The following UBE3C variants were observed in gnomAD, a reference collection of about 807,000 sequenced individuals.
UBE3C encodes ubiquitin-protein ligase E3C.
Under a neutral mutation model 129.4 loss-of-function variants are expected in UBE3C, and 42 were observed. The ratio of observed to expected loss-of-function variants is 0.32; its 90% CI spans 0.25 to 0.42. The LOEUF (loss-of-function observed/expected upper bound fraction) is 0.42, where lower values mean the gene tolerates loss of function less well. Among genes scored for constraint, UBE3C ranks in the 10% least tolerant of loss-of-function variants. The probability of loss-of-function intolerance (pLI) is 1.00; values close to 1 mark genes in which losing one functional copy is unlikely to be tolerated. For missense variants in UBE3C, 1,049 were observed against 1,319.1 expected (o/e 0.80, Z 3.17); for synonymous variants, 510 against 492.4 (o/e 1.04, Z -0.47).
chr7:157,258,300 C>G (rs1796808593), intron 22 of UBE3C, among the ~76,000 whole-genome samples: 1 of 152,140 alleles, frequency 6.6e-6, no homozygotes, highest in Non-Finnish European at 1.5e-5. Flanking sequence ...CCTGCACACT[C>G]ATGTAGTCCC....
In UBE3C at chr7:157,180,256, A is replaced by G. The variant is rs1808632379; in HGVS notation, c.617-1262A>G. On this transcript the variant is annotated intron_variant, in intron 6 of 22. Coordinates refer to ENST00000348165, the MANE Select transcript of UBE3C (RefSeq NM_014671.3). The stretch of plus-strand genomic sequence containing the variant: ...GCCATGAAGCTTTTTAACATTTGCA[A>G]CAGAACCTTTGTCATGTTGTCAGTC... Among the ~76,000 whole-genome samples the G allele has an allele frequency of 3.3e-5, 5 of 152,356 alleles. No homozygotes were observed. The South Asian group carries it at 1.0e-3, about 32-fold the overall frequency.
At chr7:157,175,312 T>G (rs1297931287) in intron 5 of UBE3C, among the ~76,000 whole-genome samples, 1 of 152,154 alleles carries the variant, frequency 6.6e-6, no homozygotes, top group Non-Finnish European at 1.5e-5. Flanking sequence ...CCATCCTGGT[T>G]ACTGGAGAAT....
intron 5 of UBE3C, among the ~76,000 whole-genome samples, chr7:157,175,530 A>G (rs770720350): frequency 5.9e-5 from 9 of 152,352 alleles, no homozygotes; most frequent in Non-Finnish European, 1.2e-4. Context: ...TGTGAGTTAC[A>G]TTACCTGAAT....
intron 18 of UBE3C, among the ~76,000 whole-genome samples, chr7:157,242,336 TATC>T (rs1796353277): frequency 2.0e-5 from 3 of 152,318 alleles, no homozygotes; most frequent in Admixed American, 6.5e-5. Flanking sequence ...CGAAATCTGT[TATC>T]ATCGAAGGCA....
intron 17 of UBE3C, among the ~76,000 whole-genome samples, chr7:157,226,376 G>A (rs1795879361): frequency 1.3e-5 from 2 of 152,184 alleles, no homozygotes; most frequent in African/African-American, 4.8e-5. Flanking sequence ...GAAAGTTCGT[G>A]TGCTATTAAC....
intron 22 of UBE3C, among the ~76,000 whole-genome samples, chr7:157,264,010 G>C (rs1796995437): frequency 1.3e-5 from 2 of 152,028 alleles, no homozygotes. Flanking sequence ...GGCCTTGAGT[G>C]ATCTCCCACA....
chr7:157,188,897 A>G (rs2116945274), intron 10 of UBE3C: 1 of 608,256 alleles, frequency 1.6e-6, no homozygotes, highest in East Asian at 2.6e-5. Context: ...AGTCCCTTTT[A>G]TTTTCAGAGT....
chr7:157,159,799 G>A (rs1563032998), intron 1 of UBE3C, among the ~76,000 whole-genome samples: 3 of 152,050 alleles, frequency 2.0e-5, no homozygotes. Flanking sequence ...CTCCAGCCTG[G>A]GCCAGAGCGA....
At chr7:157,222,379 T>C (rs1795760519) in intron 15 of UBE3C, 1 of 152,174 alleles carries the variant, frequency 6.6e-6, no homozygotes, top group Non-Finnish European at 1.5e-5. Context: ...GCTTTTGATA[T>C]GATGTCTAAG....
At chr7:157,151,295 T>C (rs1807750805) in intron 1 of UBE3C, among the ~76,000 whole-genome samples, 1 of 152,234 alleles carries the variant, frequency 6.6e-6, no homozygotes, top group Admixed American at 6.5e-5. Flanking sequence ...TTTTCCTTCT[T>C]ACCTCTTACC....
At chr7:157,171,037 T>C (rs2107863) in intron 4 of UBE3C, among the ~76,000 whole-genome samples, 71,951 of 151,580 alleles carry the variant, frequency 0.47, 19,663 homozygotes, top group African/African-American at 0.76. Context: ...GTCGTGAACT[T>C]CTAGCCTCAA....
intron 17 of UBE3C, among the ~76,000 whole-genome samples, chr7:157,229,926 T>TTA (rs561026737): frequency 0.031 from 1,341 of 43,578 alleles, 26 homozygotes; most frequent in African/African-American, 0.04. Flanking sequence ...ATTTATTTAT[T>TTA]TTTTTTTTTT....
At chr7:157,247,312 T>G (rs1796504180) in intron 18 of UBE3C, among the ~76,000 whole-genome samples, 1 of 152,248 alleles carries the variant, frequency 6.6e-6, no homozygotes, top group Non-Finnish European at 1.5e-5. Context: ...ATAATTAATG[T>G]CTAACTGCAT....
At chr7:157,227,627 G>A (rs1795916221) in intron 17 of UBE3C, among the ~76,000 whole-genome samples, 2 of 152,032 alleles carry the variant, frequency 1.3e-5, no homozygotes, top group African/African-American at 4.8e-5. Flanking sequence ...ATGAACCCGG[G>A]AGGCGGAGGT....
chr7:157,250,863 G>A (rs1796604876), intron 19 of UBE3C, among the ~76,000 whole-genome samples: 1 of 152,118 alleles, frequency 6.6e-6, no homozygotes. Context: ...GTGGTGACCT[G>A]CCTGAGGCCT....
chr7:157,151,986 GA>G (rs1807768596), intron 1 of UBE3C, among the ~76,000 whole-genome samples: 1 of 152,144 alleles, frequency 6.6e-6, no homozygotes, highest in African/African-American at 2.4e-5. Context: ...CCTATTTCCA[GA>G]ACCCCAAGCA....
intron 18 of UBE3C, among the ~76,000 whole-genome samples, chr7:157,243,265 A>G (rs1044506825): frequency 9.9e-5 from 15 of 152,258 alleles, no homozygotes; most frequent in Admixed American, 7.8e-4. Context: ...CCTTGTCTTT[A>G]TGGAGTGCCA....
chr7:157,211,734 A>T lies in UBE3C; in HGVS notation c.1809+3799A>T, dbSNP rs539482859. On this transcript the variant is annotated intron_variant, in intron 13 of 22. Coordinates refer to ENST00000348165, the MANE Select transcript of UBE3C (RefSeq NM_014671.3). ...TGACTTTCATAGGTTAGAGTGTTTT[A>T]TTCTCAGTTATTTGAACACTCACAG... is the stretch of plus-strand genomic sequence containing the variant. Among the ~76,000 whole-genome samples the T allele has an allele frequency of 2.6e-5, 4 of 152,202 alleles. No homozygotes were observed. The South Asian group carries it at 6.2e-4, about 24-fold the overall frequency.
At chr7:157,198,277 G>C in intron 10 of UBE3C, 2 of 1,006,654 alleles carry the variant, frequency 2.0e-6, no homozygotes, top group South Asian at 2.5e-5. Flanking sequence ...GTGTCCGTGG[G>C]CTCTTGAAGA....
Sources: gnomAD v4.1 joint callset for allele counts (sites outside exome capture counted in the v4.1 genomes callset) on GRCh38, gnomAD v4.1.1 for gene constraint, MANE v1.5 for transcripts, NCBI Gene and HGNC (gene_info 2026-07-23, HGNC 2026-07-21) for gene names.